PKHD1: variants seen among roughly 807,000 people sequenced by gnomAD.
PKHD1 encodes PKHD1 ciliary IPT domain containing fibrocystin/polyductin, also known as fibrocystin.
A neutral mutation model predicts 412.0 loss-of-function variants in PKHD1; 291 were observed. The ratio of observed to expected loss-of-function variants is 0.71; its 90% CI spans 0.64 to 0.78. The LOEUF (loss-of-function observed/expected upper bound fraction) is 0.78, where lower values mean the gene tolerates loss of function less well. PKHD1 is among the 30% of genes least tolerant of loss of function. PKHD1 has a pLI of 0.00. For synonymous variants in PKHD1, 1,777 were observed against 1,821.5 expected, an observed-to-expected ratio of 0.98 and a Z score of 0.62; for missense variants, 4,825 against 4,950.7, an observed-to-expected ratio of 0.97 and a Z score of 0.76.
At chr6:51,815,483 G>A (rs1765307144) in intron 52 of PKHD1, among the ~76,000 whole-genome samples, 1 of 152,114 alleles carries the variant, frequency 6.6e-6, no homozygotes, top group Non-Finnish European at 1.5e-5. Context: ...GAGAGAAAGG[G>A]AAAGAAAGGA....
At chr6:51,969,122 C>T (rs988948605) in intron 35 of PKHD1, among the ~76,000 whole-genome samples, 11 of 152,320 alleles carry the variant, frequency 7.2e-5, no homozygotes, top group African/African-American at 2.6e-4. Flanking sequence ...GAGAGATTCT[C>T]CCACTGGCCT....
At chr6:51,699,589 G>T (rs2150691982) in intron 60 of PKHD1, among the ~76,000 whole-genome samples, 1 of 152,124 alleles carries the variant, frequency 6.6e-6, no homozygotes, top group Non-Finnish European at 1.5e-5. Flanking sequence ...AAACAACCTG[G>T]ACCAGGGCTG....
rs564194651 is a variant in PKHD1, at chr6:51,975,151, A to AAGAT, written c.5752-15129_5752-15126dup. 8.0e-3 allele frequency among the ~76,000 whole-genome samples: 1,222 copies of AAGAT among 152,276 alleles called. 12 individuals carry two copies. Among genetic ancestry groups the AAGAT allele is most frequent in the African/African-American group, 0.027 (1,138 of 41,574 alleles). On this transcript the variant is annotated intron_variant, in intron 35 of 66. Transcript: ENST00000371117. ...TATTAAGCAAGAAAATTGAATTTTA[A>AAGAT]AGATAGAACTTAGGCTAATTTATAA... is the stretch of plus-strand genomic sequence containing the variant.
At chr6:51,816,095 T>C (rs1348078560) in intron 52 of PKHD1, among the ~76,000 whole-genome samples, 4 of 152,174 alleles carry the variant, frequency 2.6e-5, no homozygotes, top group African/African-American at 9.7e-5. Flanking sequence ...ATATTCCCAA[T>C]ATGATTTACT....
chr6:51,733,577 T>C (rs1264203708), intron 60 of PKHD1, among the ~76,000 whole-genome samples: 1 of 151,602 alleles, frequency 6.6e-6, no homozygotes, highest in African/African-American at 2.4e-5. Flanking sequence ...TTTTATATTA[T>C]ATGTATTTTA....
intron 60 of PKHD1, among the ~76,000 whole-genome samples, chr6:51,666,767 T>C (rs1773874480): frequency 6.8e-6 from 1 of 147,960 alleles, no homozygotes; most frequent in Admixed American, 6.9e-5. Context: ...ATTGTTCAAT[T>C]CCCACCTATG....
At chr6:51,619,641 CTT>C in intron 66 of PKHD1, 121 bp from the exon 67 acceptor site, 3 of 774,468 alleles carry the variant, frequency 3.9e-6, no homozygotes, top group Non-Finnish European at 6.4e-6. Context: ...TACATCAGCT[CTT>C]TGATTTCCAA....
chr6:51,941,663 C>A (rs1288533302), intron 36 of PKHD1, among the ~76,000 whole-genome samples: 17 of 150,500 alleles, frequency 1.1e-4, no homozygotes, highest in East Asian at 1.9e-4. Flanking sequence ...CCTTATCAAC[C>A]AAATTGTTTT....
At chr6:51,710,672 G>A (rs1040185490) in intron 60 of PKHD1, among the ~76,000 whole-genome samples, 5 of 151,954 alleles carry the variant, frequency 3.3e-5, no homozygotes, top group African/African-American at 9.7e-5. Context: ...TTGAATATGT[G>A]TTGAATATAC....
At chr6:51,631,148 A>G (rs1319233969) in intron 65 of PKHD1, among the ~76,000 whole-genome samples, 1 of 152,166 alleles carries the variant, frequency 6.6e-6, no homozygotes, top group Non-Finnish European at 1.5e-5. Context: ...TAGATACCAA[A>G]TGGAAGATGA....
chr6:52,076,132 G>A (rs1158025640), intron 6 of PKHD1, 144 bp downstream of exon 6: 5 of 690,360 alleles, frequency 7.2e-6, no homozygotes, highest in Non-Finnish European at 1.3e-5. Context: ...CGTTAAAAAT[G>A]AACCAGAGGT....
chr6:52,085,640 C>G (rs1812669704), intron 1 of PKHD1, among the ~76,000 whole-genome samples: 1 of 152,204 alleles, frequency 6.6e-6, no homozygotes. Context: ...GCTGTAGAGC[C>G]TAGACCAGAT....
At chr6:51,929,656 T>C (rs1407059) in intron 37 of PKHD1, among the ~76,000 whole-genome samples, 58,002 of 151,766 alleles carry the variant, frequency 0.38, 11,826 homozygotes, top group East Asian at 0.76. Flanking sequence ...ACAGTACTCA[T>C]AGCAACCATG....
chr6:51,641,127 A>G (rs1769289956), intron 63 of PKHD1, among the ~76,000 whole-genome samples: 1 of 152,208 alleles, frequency 6.6e-6, no homozygotes, highest in African/African-American at 2.4e-5. Context: ...CACATAAAAT[A>G]GGGTAGTTTG....
At chr6:51,688,779 A>G (rs1777777525) in intron 60 of PKHD1, among the ~76,000 whole-genome samples, 1 of 151,986 alleles carries the variant, frequency 6.6e-6, no homozygotes, top group Non-Finnish European at 1.5e-5. Context: ...GGACACATAC[A>G]CCCTCCCAAG....
In PKHD1 at chr6:52,025,442, G is replaced by T; in HGVS notation, c.4368C>A (p.Ser1456=). 6.2e-7 allele frequency: 1 copy of T among 1,606,654 alleles called. No homozygotes were observed. The highest frequency in any genetic ancestry group is 8.5e-7 in the Non-Finnish European group (1 of 1,175,550). ...CCAGGACTGTGACGTTCAGGGAGAAGGAAGCTCCAGGCAAGGGGTCACCCT... is the reference window on the plus strand; with the variant it reads ...CCAGGACTGTGACGTTCAGGGAGAATGAAGCTCCAGGCAAGGGGTCACCCT... ...SLEGDPLPGA[S]FSLNVTVLVN... is the part of the protein sequence containing the mutation. The change falls in exon 32 of 67, where the codon TCC becomes TCA. Residue 1456 remains serine, a synonymous_variant. Transcript: ENST00000371117.
chr6:51,804,095 C>T (rs1763340924), intron 52 of PKHD1, among the ~76,000 whole-genome samples: 1 of 151,368 alleles, frequency 6.6e-6, no homozygotes, highest in African/African-American at 2.5e-5. Flanking sequence ...ATGATCATGG[C>T]AAAGCCCAGG....
intron 60 of PKHD1, among the ~76,000 whole-genome samples, chr6:51,709,849 ATTTT>A (rs10636108): frequency 7.0e-6 from 1 of 142,326 alleles, no homozygotes; most frequent in Non-Finnish European, 1.5e-5. Context: ...TGCTTTAGTC[ATTTT>A]TTTTTTTTTT....
At chr6:52,032,952 T>C in intron 29 of PKHD1, 78 bp downstream of exon 29, 1 of 1,289,426 alleles carries the variant, frequency 7.8e-7, no homozygotes, top group East Asian at 2.3e-5. Context: ...TACAATAAAT[T>C]TCAGAGGACA....
Sources: allele counts gnomAD v4.1 joint callset (sites outside exome capture counted in the v4.1 genomes callset), GRCh38; gene constraint gnomAD v4.1.1; transcripts MANE v1.5; gene names NCBI Gene and HGNC (gene_info 2026-07-23, HGNC 2026-07-21).